The following STK32A variants were observed in gnomAD, a reference collection of about 807,000 sequenced individuals.
STK32A encodes serine/threonine kinase 32A, also known as serine/threonine-protein kinase 32A.
Under a neutral mutation model 53.2 loss-of-function variants are expected in STK32A, and 41 were observed. The observed-to-expected ratio is 0.77, with a 90% CI of 0.60 to 1.00. The LOEUF (loss-of-function observed/expected upper bound fraction) is 1.00, where lower values mean the gene tolerates loss of function less well. Ranked by LOEUF, STK32A falls within the 50% of genes least tolerant of loss-of-function variation. The pLI, the probability that STK32A is intolerant of heterozygous loss-of-function variation, is 0.00. For synonymous variants in STK32A, 166 were observed against 162.8 expected (o/e 1.02, Z -0.15); for missense variants, 458 against 485.8 (o/e 0.94, Z 0.54).
Position 147,263,280 on chromosome 5 carries a change from A to G in STK32A, c.53-14844A>G, listed in dbSNP as rs139764198. Among the ~76,000 whole-genome samples the G allele has an allele frequency of 8.0e-4, 122 of 152,316 alleles. No individual in the cohort carries two copies. In the East Asian group the frequency reaches 0.023, roughly 29 times the overall value. On this transcript the variant is annotated intron_variant, in intron 2 of 12. Transcript: ENST00000397936. The stretch of plus-strand genomic sequence containing the variant: ...AATTATCAACATTGGAGATTTTCTA[A>G]TTCAACATCCAGGCCGCAGCTAGAA...
chr5:147,327,855 C>T (rs984691769), intron 5 of STK32A, among the ~76,000 whole-genome samples: 1 of 152,184 alleles, frequency 6.6e-6, no homozygotes, highest in African/African-American at 2.4e-5. Flanking sequence ...CTGAGGGGAG[C>T]ACGGGACACC....
chr5:147,376,987 A>G (rs946072977), intron 11 of STK32A, among the ~76,000 whole-genome samples: 1 of 152,220 alleles, frequency 6.6e-6, no homozygotes, highest in Non-Finnish European at 1.5e-5. Context: ...TGTTATGAAT[A>G]TAGATGCAAA....
At chr5:147,261,077 T>C (rs1754545871) in intron 2 of STK32A, among the ~76,000 whole-genome samples, 1 of 152,104 alleles carries the variant, frequency 6.6e-6, no homozygotes, top group South Asian at 2.1e-4. Flanking sequence ...TTCCTCGCAC[T>C]GGGTGGGTCT....
rs373795173 is a variant in STK32A at position 147,383,570 on chromosome 5, G to T, written c.1097+65G>T. ...GGCATGTTTCAGCCAGACTTTACTTGCAGAGAAAATATATTTTTAACATTT... is the reference window on the plus strand; with the variant it reads ...GGCATGTTTCAGCCAGACTTTACTTTCAGAGAAAATATATTTTTAACATTT... On this transcript the variant is annotated intron_variant, in intron 12 of 12. Transcript: ENST00000397936. 6.5e-4 allele frequency: 792 copies of T among 1,211,562 alleles called. 16 individuals are homozygous for T. In the South Asian group the frequency reaches 0.011, roughly 17 times the overall value. 75.1% of individuals were successfully genotyped at this position (1,211,562 alleles called of 1,614,324 possible). A position where few individuals can be genotyped will look rare whatever the true frequency, so the allele number is the denominator to read the frequency against.
chr5:147,380,961 T>C (rs189074152), intron 11 of STK32A, among the ~76,000 whole-genome samples: 93 of 152,352 alleles, frequency 6.1e-4, no homozygotes, highest in Non-Finnish European at 2.8e-4. Context: ...ACAATAATCT[T>C]GGCTTTCGTG....
intron 3 of STK32A, 88 bp from the exon 4 acceptor site, chr5:147,279,159 C>A: frequency 1.6e-6 from 2 of 1,283,614 alleles, no homozygotes; most frequent in South Asian, 4.2e-5. Flanking sequence ...GGATCCAAGC[C>A]ACAGCAAAGA....
intron 11 of STK32A, among the ~76,000 whole-genome samples, chr5:147,380,248 C>T (rs571211495): frequency 2.8e-4 from 43 of 152,150 alleles, no homozygotes; most frequent in Admixed American, 1.4e-3. Flanking sequence ...TTATGTTTAT[C>T]CTGTAGCTGC....
At chr5:147,281,775 G>A (rs946338049) in intron 4 of STK32A, among the ~76,000 whole-genome samples, 26 of 152,066 alleles carry the variant, frequency 1.7e-4, no homozygotes, top group African/African-American at 3.1e-4. Flanking sequence ...GTAATTCATC[G>A]CAAAAAGATA....
At chr5:147,315,489 A>G (rs1753947683) in intron 4 of STK32A, among the ~76,000 whole-genome samples, 1 of 152,196 alleles carries the variant, frequency 6.6e-6, no homozygotes, top group Non-Finnish European at 1.5e-5. Flanking sequence ...GACCAATATT[A>G]TATGATTCCA....
At chr5:147,307,263 C>A (rs1461974742) in intron 4 of STK32A, among the ~76,000 whole-genome samples, 1 of 151,710 alleles carries the variant, frequency 6.6e-6, no homozygotes, top group African/African-American at 2.4e-5. Flanking sequence ...AATGTTTGGA[C>A]TTAATGTGGT....
chr5:147,244,224 T>C (rs1753695799), intron 2 of STK32A, among the ~76,000 whole-genome samples: 1 of 152,222 alleles, frequency 6.6e-6, no homozygotes, highest in Non-Finnish European at 1.5e-5. Flanking sequence ...TTCTCTTTCT[T>C]TTTAAGTCTG....
chr5:147,312,966 T>C (rs1753775924), intron 4 of STK32A, among the ~76,000 whole-genome samples: 1 of 150,528 alleles, frequency 6.6e-6, no homozygotes, highest in Admixed American at 6.7e-5. Flanking sequence ...CTGGGCTAGA[T>C]GTGGTGGCTC....
intron 2 of STK32A, among the ~76,000 whole-genome samples, chr5:147,242,019 T>C (rs907291744): frequency 3.3e-5 from 5 of 152,182 alleles, no homozygotes; most frequent in Middle Eastern, 3.2e-3. Context: ...ATTGTGACAA[T>C]TGGGAAATAA....
the STK32A span, among the ~76,000 whole-genome samples, chr5:147,399,570 T>C: frequency 6.6e-6 from 1 of 152,226 alleles, no homozygotes; most frequent in African/African-American, 2.4e-5. Context: ...GAGTTCACAG[T>C]AAAAACAAAT....
At position 147,268,696 on chromosome 5, in the gene STK32A, A is replaced by C. The variant is rs946185232; in HGVS notation, c.53-9428A>C. ...AGCCTGTGACAGAGGGGGAATATGCATTTCAAGATCAGAAGATCCAGAGTG... is the reference window on the plus strand; with the variant it reads ...AGCCTGTGACAGAGGGGGAATATGCCTTTCAAGATCAGAAGATCCAGAGTG... On this transcript the variant is annotated intron_variant, in intron 2 of 12. Transcript: ENST00000397936. Among the ~76,000 whole-genome samples the C allele has an allele frequency of 5.9e-5, 9 of 152,154 alleles. 1 individual carries two copies. The highest frequency in any genetic ancestry group is 1.9e-4 in the African/African-American group (8 of 41,438).
chr5:147,338,425 G>C (rs997884855), intron 5 of STK32A, among the ~76,000 whole-genome samples: 6 of 152,258 alleles, frequency 3.9e-5, no homozygotes, highest in Middle Eastern at 3.4e-3. Context: ...CCAGTCTTGG[G>C]TATGTCTTTA....
At chr5:147,282,312 C>T (rs2151956499) in intron 4 of STK32A, among the ~76,000 whole-genome samples, 1 of 152,284 alleles carries the variant, frequency 6.6e-6, no homozygotes, top group East Asian at 1.9e-4. Flanking sequence ...CCTGAACACA[C>T]ACCCCCACTG....
chr5:147,348,698 C>T (rs1456162424), intron 6 of STK32A: 7 of 773,812 alleles, frequency 9.0e-6, no homozygotes, highest in African/African-American at 3.4e-5. Flanking sequence ...AATACAGATA[C>T]CTGGCTCTCC....
intron 4 of STK32A, among the ~76,000 whole-genome samples, chr5:147,316,859 G>GAA (rs35058586): frequency 0.01 from 619 of 60,894 alleles, no homozygotes; most frequent in Non-Finnish European, 0.011. Context: ...TGTTTCTGGC[G>GAA]AAAAAAAAAA....
Sources: gnomAD v4.1 joint callset for allele counts (sites outside exome capture counted in the v4.1 genomes callset) on GRCh38, gnomAD v4.1.1 for gene constraint, MANE v1.5 for transcripts, NCBI Gene and HGNC (gene_info 2026-07-23, HGNC 2026-07-21) for gene names.